RPS6KA2: variants seen among roughly 807,000 people sequenced by gnomAD.
RPS6KA2 encodes the protein ribosomal protein S6 kinase A2.
In RPS6KA2, 42 loss-of-function variants were observed where a neutral mutation model predicts 91.8. The observed-to-expected ratio is 0.46, with a 90% CI of 0.36 to 0.59. The LOEUF (loss-of-function observed/expected upper bound fraction) is 0.59. Among genes scored for constraint, RPS6KA2 ranks in the 20% least tolerant of loss-of-function variants. The pLI, the probability that RPS6KA2 is intolerant of heterozygous loss-of-function variation, is 0.00. For synonymous variants in RPS6KA2, 414 were observed against 393.6 expected (o/e 1.05, Z -0.61); for missense variants, 798 against 978.5 (o/e 0.82, Z 2.46).
At chr6:166,818,650 A>G (rs1015123558) in intron 2 of RPS6KA2, among the ~76,000 whole-genome samples, 6 of 152,186 alleles carry the variant, frequency 3.9e-5, no homozygotes, top group African/African-American at 1.4e-4. Context: ...GCTTGTTATT[A>G]AAGTGGAGGT....
At chr6:166,751,352 G>A (rs796110090) in intron 2 of RPS6KA2, among the ~76,000 whole-genome samples, 15 of 152,354 alleles carry the variant, frequency 9.8e-5, no homozygotes, top group African/African-American at 3.4e-4. Flanking sequence ...CCAGGGTCCC[G>A]TCAAACGCAC....
At chr6:166,570,211 C>T (rs142934328) in intron 1 of RPS6KA2, among the ~76,000 whole-genome samples, 89 of 152,324 alleles carry the variant, frequency 5.8e-4, no homozygotes, top group Middle Eastern at 3.4e-3. Flanking sequence ...CAGGAGCTTC[C>T]TGCCATAGCT....
intron 2 of RPS6KA2, among the ~76,000 whole-genome samples, chr6:166,675,549 T>C (rs564531026): frequency 3.4e-4 from 51 of 151,548 alleles, no homozygotes; most frequent in African/African-American, 1.2e-3. Flanking sequence ...GCTCCTGAGA[T>C]CAGCCCTGCT....
At chr6:166,762,928 T>C (rs1778216259) in intron 2 of RPS6KA2, among the ~76,000 whole-genome samples, 1 of 152,248 alleles carries the variant, frequency 6.6e-6, no homozygotes, top group Admixed American at 6.5e-5. Flanking sequence ...TGATAACAGC[T>C]GCAAGCATGA....
In RPS6KA2 at chr6:166,845,582, T is replaced by C. The variant is rs545381729; in HGVS notation, c.123+12618A>G. Among the ~76,000 whole-genome samples the C allele has an allele frequency of 2.6e-5, 4 of 152,172 alleles. No homozygotes were observed. In the South Asian group the frequency reaches 8.3e-4, roughly 32 times the overall value. On this transcript the variant is annotated intron_variant, in intron 2 of 21. Coordinates refer to the RPS6KA2 transcript ENST00000503859. ...GCAGGCTCAAAACCAGGCAAATACA[T>C]GGAAATCAAATAGCCTGCTCCTGAA...
At chr6:166,571,539 G>A (rs1240095549) in intron 1 of RPS6KA2, among the ~76,000 whole-genome samples, 1 of 152,364 alleles carries the variant, frequency 6.6e-6, no homozygotes, top group Non-Finnish European at 1.5e-5. Flanking sequence ...GCACATGCGC[G>A]TTCTAGCACT....
chr6:166,759,597 T>A (rs1778112852), intron 2 of RPS6KA2, among the ~76,000 whole-genome samples: 1 of 152,270 alleles, frequency 6.6e-6, no homozygotes, highest in African/African-American at 2.4e-5. Context: ...CTTCTCTCTG[T>A]GAAATCATCA....
At chr6:166,844,452 G>T (rs1780560730) in intron 2 of RPS6KA2, among the ~76,000 whole-genome samples, 1 of 152,172 alleles carries the variant, frequency 6.6e-6, no homozygotes, top group African/African-American at 2.4e-5. Flanking sequence ...AAAGATCATT[G>T]CCTAGACACA....
chr6:166,567,700 A>T lies in RPS6KA2; in HGVS notation c.100-28916T>A, dbSNP rs868643738. On this transcript the variant is annotated intron_variant, in intron 1 of 20. Coordinates refer to ENST00000265678, the MANE Select transcript of RPS6KA2 (RefSeq NM_021135.6). ...AGCTGGGGTTTCGAACAGAGCTGGG[A>T]TTGAGATAAATCACAGCACATGCTC... Among the ~76,000 whole-genome samples the T allele has an allele frequency of 5.3e-5, 8 of 152,156 alleles. No individual in the cohort carries two copies. The South Asian group carries it at 8.3e-4, about 16-fold the overall frequency.
At chr6:166,707,700 A>C (rs1404260897) in intron 2 of RPS6KA2, among the ~76,000 whole-genome samples, 1 of 152,124 alleles carries the variant, frequency 6.6e-6, no homozygotes, top group Non-Finnish European at 1.5e-5. Flanking sequence ...TATGGTGATC[A>C]TTATTACTTA....
intron 2 of RPS6KA2, among the ~76,000 whole-genome samples, chr6:166,660,965 G>T (rs1788147543): frequency 6.6e-6 from 1 of 152,112 alleles, no homozygotes; most frequent in African/African-American, 2.4e-5. Context: ...AAAATTTTGA[G>T]GTTAATGAGA....
intron 2 of RPS6KA2, among the ~76,000 whole-genome samples, chr6:166,650,081 C>T (rs182317885): frequency 6.6e-6 from 1 of 151,622 alleles, no homozygotes; most frequent in East Asian, 1.9e-4. Flanking sequence ...TCCTTAAAAA[C>T]CTGGAAATTT....
chr6:166,605,507 T>G (rs1785921310), intron 1 of RPS6KA2, among the ~76,000 whole-genome samples: 1 of 152,218 alleles, frequency 6.6e-6, no homozygotes, highest in Non-Finnish European at 1.5e-5. Context: ...ACATTCCTAT[T>G]TAAGTTTTAA....
At chr6:166,572,293 GAGA>G (rs1472449683) in intron 1 of RPS6KA2, among the ~76,000 whole-genome samples, 7 of 152,314 alleles carry the variant, frequency 4.6e-5, no homozygotes, top group African/African-American at 9.6e-5. Context: ...AATAAATATT[GAGA>G]AGAAGAATGA....
intron 2 of RPS6KA2, among the ~76,000 whole-genome samples, chr6:166,728,876 T>C (rs1168428408): frequency 6.6e-6 from 1 of 152,206 alleles, no homozygotes; most frequent in Non-Finnish European, 1.5e-5. Flanking sequence ...CATTTTAGTG[T>C]GCTAAAACTG....
intron 2 of RPS6KA2, among the ~76,000 whole-genome samples, chr6:166,696,498 T>C (rs1014999416): frequency 6.6e-6 from 1 of 152,168 alleles, no homozygotes; most frequent in African/African-American, 2.4e-5. Context: ...CTCAAATCAT[T>C]GCCCCTGAAC....
At chr6:166,698,487 G>A (rs890838482) in intron 2 of RPS6KA2, among the ~76,000 whole-genome samples, 2 of 152,146 alleles carry the variant, frequency 1.3e-5, no homozygotes, top group Admixed American at 6.5e-5. Context: ...ATAAAGGGAA[G>A]TTCTCAAAGG....
chr6:166,815,706 A>G (rs1264233739), intron 2 of RPS6KA2, among the ~76,000 whole-genome samples: 1 of 152,204 alleles, frequency 6.6e-6, no homozygotes, highest in African/African-American at 2.4e-5. Context: ...TGTCAGTGGC[A>G]ATGGAATTAA....
At position 166,837,380 on chromosome 6, in the gene RPS6KA2, AG is replaced by A. The variant is rs1368978231; in HGVS notation, c.123+20819del. 3.9e-5 allele frequency among the ~76,000 whole-genome samples: 6 copies of A among 152,210 alleles called. 1 individual carries two copies. The highest frequency in any genetic ancestry group is 1.3e-4 in the Admixed American group (2 of 15,288). ...TCTCAGCTCAGGCTCACTGTGGAGCAGGGGTCACTCCGGACCCTCTCAGAGC... is the reference window on the plus strand; with the variant it reads ...TCTCAGCTCAGGCTCACTGTGGAGCAGGGTCACTCCGGACCCTCTCAGAGC... On this transcript the variant is annotated intron_variant, in intron 2 of 21. Transcript: ENST00000503859.
Sources: allele counts gnomAD v4.1 joint callset (sites outside exome capture counted in the v4.1 genomes callset), GRCh38; gene constraint gnomAD v4.1.1; transcripts MANE v1.5; gene names NCBI Gene and HGNC (gene_info 2026-07-23, HGNC 2026-07-21).